The following VPS4B variants were observed in gnomAD, a reference collection of about 807,000 sequenced individuals.
VPS4B encodes the protein vacuolar protein sorting-associated protein 4B.
In VPS4B, 23 loss-of-function variants were observed where a neutral mutation model predicts 56.1. The ratio of observed to expected loss-of-function variants is 0.41; its 90% confidence interval spans 0.30 to 0.58. The LOEUF is 0.58. Among genes scored for constraint, VPS4B ranks in the 20% least tolerant of loss-of-function variants. The pLI is 0.29. For synonymous variants in VPS4B, 177 were observed against 186.0 expected (o/e 0.95, Z 0.39); for missense variants, 372 against 531.9 (o/e 0.70, Z 2.96).
chr18:63,420,621 T>C (rs1916276095), intron 1 of VPS4B, among the ~76,000 whole-genome samples: 1 of 152,158 alleles, frequency 6.6e-6, no homozygotes, highest in South Asian at 2.1e-4. Context: ...AAAAATACTT[T>C]TACCAAATGA....
intron 8 of VPS4B, among the ~76,000 whole-genome samples, chr18:63,398,225 T>TATATATATATATATATATATATATA (rs1568084680): frequency 7.3e-5 from 4 of 55,006 alleles, no homozygotes; most frequent in African/African-American, 1.9e-4. Flanking sequence ...ATATATATAT[T>TATATATATATATATATATATATATA]TTTTTTTGAG....
intron 10 of VPS4B, among the ~76,000 whole-genome samples, chr18:63,393,167 G>C (rs1915593387): frequency 6.6e-6 from 1 of 152,138 alleles, no homozygotes; most frequent in African/African-American, 2.4e-5. Context: ...TGTAAAGTCA[G>C]AATCTTGTGC....
rs573511252 is a variant in VPS4B, at chr18:63,393,124, T to C, written c.1233+285A>G. Among the ~76,000 whole-genome samples, 6 of 152,342 alleles carry C rather than the reference T, an allele frequency of 3.9e-5. No individual in the cohort carries two copies. In the South Asian group the frequency reaches 1.2e-3, roughly 32 times the overall value. On this transcript the variant is annotated intron_variant, in intron 10 of 10. Coordinates refer to ENST00000238497, the MANE Select transcript of VPS4B (RefSeq NM_004869.4). The stretch of plus-strand genomic sequence containing the variant: ...GTCTTTACAATAATTATACTATATA[T>C]GAGCATTTTGGAGATATTCTAGCTA...
chr18:63,411,525 G>A lies in VPS4B; in HGVS notation c.81C>T (p.Tyr27=), dbSNP rs34388170. 6.1e-5 allele frequency: 98 copies of A among 1,603,518 alleles called. No homozygotes were observed. The highest frequency in any genetic ancestry group is 7.6e-5 in the Non-Finnish European group (89 of 1,174,314). The change falls in exon 2 of 11, where the codon TAC becomes TAT. Residue 27 remains tyrosine, a synonymous_variant. Transcript: ENST00000238497. The part of the protein sequence containing the change: ...KAAQEDKAGN[Y]EEALQLYQHA... ...GCTGATAGAGCTGAAGGGCTTCTTC[G>A]TAGTTCCCAGCCTTGTCTTCTTGCG...
chr18:63,402,227 G>T (rs951103015), intron 5 of VPS4B, among the ~76,000 whole-genome samples: 1 of 152,012 alleles, frequency 6.6e-6, no homozygotes, highest in East Asian at 1.9e-4. Context: ...CTTTTAGGTG[G>T]TATATACTTT....
At chr18:63,419,744 A>G (rs1916252428) in intron 1 of VPS4B, among the ~76,000 whole-genome samples, 1 of 152,238 alleles carries the variant, frequency 6.6e-6, no homozygotes, top group Non-Finnish European at 1.5e-5. Context: ...TTTCAAAATT[A>G]TGAACTATTT....
intron 5 of VPS4B, among the ~76,000 whole-genome samples, chr18:63,403,340 A>G (rs1007181595): frequency 5.9e-5 from 9 of 152,246 alleles, no homozygotes; most frequent in East Asian, 1.9e-4. Context: ...ACATGGAATC[A>G]TACTATTCAG....
intron 1 of VPS4B, chr18:63,416,314 G>C (rs567459841): frequency 0.014 from 2,627 of 188,720 alleles, 65 homozygotes; most frequent in African/African-American, 0.059. Flanking sequence ...CTTTTGCATT[G>C]AGTTCATTCA....
intron 3 of VPS4B, among the ~76,000 whole-genome samples, chr18:63,409,147 T>C (rs1202407068): frequency 6.6e-6 from 1 of 152,198 alleles, no homozygotes; most frequent in Non-Finnish European, 1.5e-5. Flanking sequence ...AGATAACATG[T>C]TCTTAGGGTG....
At chr18:63,400,847 T>G in intron 5 of VPS4B, 144 bp from the exon 6 acceptor site, 3 of 842,326 alleles carry the variant, frequency 3.6e-6, no homozygotes, top group Non-Finnish European at 5.2e-6. Flanking sequence ...CTAAGGTATG[T>G]CTTAAATATA....
chr18:63,421,494 G>A (rs1916300661), intron 1 of VPS4B, among the ~76,000 whole-genome samples: 1 of 152,138 alleles, frequency 6.6e-6, no homozygotes, highest in Admixed American at 6.5e-5. Context: ...CATTCTAAAC[G>A]CCACTGAAGC....
rs747150958 is a variant in VPS4B, at chr18:63,397,151, G to A, written c.975C>T (p.Asp325=). ...GTTQNSLTEA[D]FRELGRKTDG... is the part of the protein sequence containing the mutation. Reference sequence around the variant, plus strand: ...CTGTTTTCCTCCCAAGTTCCCGAAAGTCTGCTTCCGTGAGACTGTTCTGAG... The same window carrying A: ...CTGTTTTCCTCCCAAGTTCCCGAAAATCTGCTTCCGTGAGACTGTTCTGAG... The change falls in exon 9 of 11, where the codon GAC becomes GAT. Residue 325 remains aspartate (D), a synonymous_variant. Coordinates refer to ENST00000238497, the MANE Select transcript of VPS4B (RefSeq NM_004869.4). The A allele has an allele frequency of 6.2e-7, 1 of 1,614,172 alleles. No individual in the cohort carries two copies. Among genetic ancestry groups the A allele is most frequent in the Non-Finnish European group, 8.5e-7 (1 of 1,180,050 alleles).
At chr18:63,393,123 A>G (rs1915591815) in intron 10 of VPS4B, among the ~76,000 whole-genome samples, 1 of 152,220 alleles carries the variant, frequency 6.6e-6, no homozygotes, top group Non-Finnish European at 1.5e-5. Flanking sequence ...TATACTATAT[A>G]TGAGCATTTT....
intron 4 of VPS4B, among the ~76,000 whole-genome samples, chr18:63,406,521 A>G (rs1915920765): frequency 6.6e-6 from 1 of 152,240 alleles, no homozygotes; most frequent in Non-Finnish European, 1.5e-5. Flanking sequence ...TAAGATTCAA[A>G]TGAACAAAAT....
intron 1 of VPS4B, among the ~76,000 whole-genome samples, chr18:63,420,498 C>T (rs1413972016): frequency 6.6e-6 from 1 of 151,974 alleles, no homozygotes; most frequent in Admixed American, 6.6e-5. Context: ...TGTAGAGTAT[C>T]GAAATCACAT....
intron 3 of VPS4B, among the ~76,000 whole-genome samples, chr18:63,409,288 C>A (rs1298483493): frequency 6.6e-6 from 1 of 152,196 alleles, no homozygotes; most frequent in Non-Finnish European, 1.5e-5. Context: ...TTCTTATATT[C>A]CTCATGTACT....
chr18:63,395,183 C>T lies in VPS4B; in HGVS notation c.1093-1634G>A, dbSNP rs1469678324. 5.3e-5 allele frequency among the ~76,000 whole-genome samples: 8 copies of T among 152,216 alleles called. No individual in the cohort carries two copies. In the East Asian group the frequency reaches 1.2e-3, roughly 22 times the overall value. On this transcript the variant is annotated intron_variant, in intron 9 of 10. Transcript: ENST00000238497. Reference sequence around the variant, plus strand: ...TGGCTTCAGCGTCATGTGAGCTCACCCTGGCAGTAATATGCAGAATTGAGT... The same window carrying T: ...TGGCTTCAGCGTCATGTGAGCTCACTCTGGCAGTAATATGCAGAATTGAGT...
chr18:63,389,952 C>T lies in VPS4B; in HGVS notation c.*1023G>A, dbSNP rs1348360572. The T allele has an allele frequency of 6.6e-6, 1 of 152,618 alleles. No individual in the cohort carries two copies. Among genetic ancestry groups the T allele is most frequent in the Admixed American group, 6.5e-5 (1 of 15,276 alleles). 9.5% of individuals were successfully genotyped at this position (152,618 alleles called of 1,614,324 possible). ...AGACACTGAAATAGACAATTTTCTT[C>T]TTTAAGGTAAAGACAATGTCTAATT... On this transcript the variant is annotated 3_prime_UTR_variant, in exon 11 of 11. Transcript: ENST00000238497.
intron 1 of VPS4B, among the ~76,000 whole-genome samples, chr18:63,413,228 G>A (rs571100877): frequency 3.9e-4 from 60 of 152,276 alleles, no homozygotes; most frequent in African/African-American, 1.4e-3. Flanking sequence ...ACAAGATGCT[G>A]CCACTGCAGA....
Sources: allele counts gnomAD v4.1 joint callset (sites outside exome capture counted in the v4.1 genomes callset), GRCh38; gene constraint gnomAD v4.1.1; transcripts MANE v1.5; gene names NCBI Gene and HGNC (gene_info 2026-07-23, HGNC 2026-07-21).